Variants in PRKCI observed in about 807,000 individuals in gnomAD.
The protein encoded by PRKCI is protein kinase C iota type.
In PRKCI, 43 loss-of-function variants were observed where a neutral mutation model predicts 84.0. The ratio of observed to expected loss-of-function variants is 0.51; its 90% CI spans 0.40 to 0.66. The LOEUF is 0.66. Among genes scored for constraint, PRKCI ranks in the 30% least tolerant of loss-of-function variants. The probability of loss-of-function intolerance (pLI) is 0.00; values close to 1 mark genes in which losing one functional copy is unlikely to be tolerated. For synonymous variants in PRKCI, 216 were observed against 234.4 expected (o/e 0.92, Z 0.72); for missense variants, 459 against 745.6 (o/e 0.62, Z 4.48).
chr3:170,251,684 T>G (rs1049309027), intron 2 of PRKCI, among the ~76,000 whole-genome samples: 1 of 150,868 alleles, frequency 6.6e-6, no homozygotes, highest in African/African-American at 2.5e-5. Flanking sequence ...CCAAAACAGG[T>G]GGATCACTTG....
intron 12 of PRKCI, among the ~76,000 whole-genome samples, chr3:170,286,485 CTTTT>C (rs34674664): frequency 7.6e-5 from 5 of 65,582 alleles, no homozygotes; most frequent in East Asian, 1.1e-3. Flanking sequence ...AACAATGAGG[CTTTT>C]TTTTTTTTTT....
At chr3:170,228,642 T>C (rs566314818) in intron 1 of PRKCI, among the ~76,000 whole-genome samples, 15 of 141,922 alleles carry the variant, frequency 1.1e-4, no homozygotes, top group South Asian at 6.9e-4. Flanking sequence ...CACACACACA[T>C]ATACATACAC....
chr3:170,255,049 C>G (rs1472138195), intron 2 of PRKCI, among the ~76,000 whole-genome samples: 1 of 104,930 alleles, frequency 9.5e-6, no homozygotes, highest in Non-Finnish European at 1.9e-5. Flanking sequence ...AGAAAGAGAT[C>G]TTTCACTTTT....
intron 2 of PRKCI, among the ~76,000 whole-genome samples, chr3:170,238,417 C>T (rs1291726052): frequency 4.7e-5 from 7 of 149,360 alleles, no homozygotes; most frequent in South Asian, 2.1e-4. Flanking sequence ...TTATAGTATG[C>T]GCTGGACATT....
At chr3:170,235,566 CT>C (rs199938459) in intron 2 of PRKCI, among the ~76,000 whole-genome samples, 11,540 of 136,080 alleles carry the variant, frequency 0.085, 415 homozygotes, top group East Asian at 0.16. Context: ...ATTAACTTGA[CT>C]TTTTTTTTTT....
intron 2 of PRKCI, among the ~76,000 whole-genome samples, chr3:170,236,013 T>C (rs986087354): frequency 9.2e-5 from 14 of 152,134 alleles, no homozygotes; most frequent in Non-Finnish European, 1.3e-4. Context: ...CTCCAACTCC[T>C]GGCCTCAAGT....
At chr3:170,262,800 G>A (rs931363386) in intron 3 of PRKCI, among the ~76,000 whole-genome samples, 2 of 146,300 alleles carry the variant, frequency 1.4e-5, no homozygotes, top group Non-Finnish European at 3.0e-5. Flanking sequence ...TTATAGACAT[G>A]TTTGTTTTCA....
chr3:170,287,975 G>A (rs927198802), intron 12 of PRKCI, among the ~76,000 whole-genome samples: 3 of 151,446 alleles, frequency 2.0e-5, no homozygotes, highest in African/African-American at 4.8e-5. Context: ...GGCCGGGTGC[G>A]GTGGCTTGCA....
At position 170,222,570 on chromosome 3, in the gene PRKCI, C is replaced by G; in HGVS notation, c.-100C>G. Reference sequence around the variant, plus strand: ...GGTGGGCAGGTAGGTGGGCGGACGGCCGCGGTTCTCCGGCAAGCGCAGGCG... The same window carrying G: ...GGTGGGCAGGTAGGTGGGCGGACGGGCGCGGTTCTCCGGCAAGCGCAGGCG... On this transcript the variant is annotated 5_prime_UTR_variant, in exon 1 of 18. Transcript: ENST00000295797. 2 of 1,068,450 alleles carry G rather than the reference C, an allele frequency of 1.9e-6. No homozygotes were observed. The highest frequency in any genetic ancestry group is 2.6e-6 in the Non-Finnish European group (2 of 770,420). The allele number at this position is 1,068,450 out of a possible 1,614,324, so 66.2% of individuals were successfully genotyped here. A position where few individuals can be genotyped will look rare whatever the true frequency, so the allele number is the denominator to read the frequency against.
At chr3:170,284,092 A>G (rs1189540654) in intron 11 of PRKCI, among the ~76,000 whole-genome samples, 3 of 152,194 alleles carry the variant, frequency 2.0e-5, no homozygotes, top group South Asian at 4.2e-4. Flanking sequence ...CGGGTCCCTT[A>G]GAGAAGTGAT....
chr3:170,271,745 G>A (rs1219481145), intron 6 of PRKCI, among the ~76,000 whole-genome samples: 1 of 152,080 alleles, frequency 6.6e-6, no homozygotes, highest in Non-Finnish European at 1.5e-5. Context: ...TAGATTCTGG[G>A]GTTGGTTTGT....
intron 1 of PRKCI, among the ~76,000 whole-genome samples, chr3:170,232,975 C>T (rs557613229): frequency 6.6e-6 from 1 of 152,072 alleles, no homozygotes; most frequent in Non-Finnish European, 1.5e-5. Context: ...CTATCTTCTT[C>T]ATTATTAAAA....
intron 13 of PRKCI, among the ~76,000 whole-genome samples, chr3:170,292,724 A>T (rs1475985519): frequency 6.8e-6 from 1 of 146,878 alleles, no homozygotes; most frequent in Non-Finnish European, 1.5e-5. Flanking sequence ...AAAAAAAAAA[A>T]GCCCCTGTCC....
chr3:170,230,381 A>G (rs926563902), intron 1 of PRKCI, among the ~76,000 whole-genome samples: 7 of 152,108 alleles, frequency 4.6e-5, no homozygotes, highest in Non-Finnish European at 8.8e-5. Context: ...CCCAGGCTGG[A>G]GTGCAGTGGC....
In PRKCI at chr3:170,304,562, C is replaced by T. The variant is rs1158016125; in HGVS notation, c.*1435C>T. ...GGCATGAATAAATGTTCAGGACACA[C>T]ACATACACTCACACACATCACAGTA... On this transcript the variant is annotated 3_prime_UTR_variant, in exon 18 of 18. Transcript: ENST00000295797. 3 of 152,114 alleles carry T rather than the reference C, an allele frequency of 2.0e-5. No homozygotes were observed. Among genetic ancestry groups the T allele is most frequent in the African/African-American group, 7.2e-5 (3 of 41,424 alleles). The allele number at this position is 152,114 out of a possible 1,614,324, so 9.4% of individuals were successfully genotyped here.
chr3:170,254,685 G>A (rs916809299), intron 2 of PRKCI, among the ~76,000 whole-genome samples: 8 of 152,094 alleles, frequency 5.3e-5, no homozygotes. Context: ...CGGTTTATGT[G>A]TCTGTTTTTA....
rs1482402453 is a variant in PRKCI at position 170,303,474 on chromosome 3, A to G, written c.*347A>G. On this transcript the variant is annotated 3_prime_UTR_variant, in exon 18 of 18. Transcript: ENST00000295797. ...TTAAGGCACATAGTGGGATTACATC[A>G]TAAACCTCCCATAATTTTTGTCATT... is the stretch of plus-strand genomic sequence containing the variant. The G allele has an allele frequency of 2.9e-5, 7 of 238,938 alleles. No individual in the cohort carries two copies. Among genetic ancestry groups the G allele is most frequent in the Non-Finnish European group, 5.7e-5 (7 of 122,770 alleles). 14.8% of individuals were successfully genotyped at this position (238,938 alleles called of 1,614,324 possible).
intron 2 of PRKCI, among the ~76,000 whole-genome samples, chr3:170,240,833 C>G (rs1187361755): frequency 6.6e-6 from 1 of 152,122 alleles, no homozygotes. Flanking sequence ...AGACAACTGC[C>G]CTTTTTCCTT....
chr3:170,228,178 A>G (rs1347118098), intron 1 of PRKCI, among the ~76,000 whole-genome samples: 2 of 152,232 alleles, frequency 1.3e-5, no homozygotes, highest in African/African-American at 4.8e-5. Flanking sequence ...CTGTGTTGCA[A>G]GCACTGTGCT....
Sources: gnomAD v4.1 joint callset for allele counts (sites outside exome capture counted in the v4.1 genomes callset) on GRCh38, gnomAD v4.1.1 for gene constraint, MANE v1.5 for transcripts, NCBI Gene and HGNC (gene_info 2026-07-23, HGNC 2026-07-21) for gene names.